WDR64: variants seen among roughly 807,000 people sequenced by gnomAD.
WDR64 encodes WD repeat domain 64.
Under a neutral mutation model 139.3 loss-of-function variants are expected in WDR64, and 112 were observed. The observed-to-expected ratio is 0.80, with a 90% CI of 0.69 to 0.94. WDR64 has a LOEUF of 0.94. WDR64 is among the 40% of genes least tolerant of loss of function. The pLI is 0.00. For synonymous variants in WDR64, 444 were observed against 437.7 expected (o/e 1.01, Z -0.18); for missense variants, 1,206 against 1,293.1 (o/e 0.93, Z 1.03).
At chr1:241,792,167 C>T (rs1659230886) in intron 25 of WDR64, among the ~76,000 whole-genome samples, 1 of 152,142 alleles carries the variant, frequency 6.6e-6, no homozygotes, top group Admixed American at 6.5e-5. Context: ...AATTTAGTTC[C>T]CCGGGATGTC....
At chr1:241,790,309 C>T (rs1360004163) in intron 24 of WDR64, among the ~76,000 whole-genome samples, 3 of 152,174 alleles carry the variant, frequency 2.0e-5, no homozygotes, top group African/African-American at 7.2e-5. Flanking sequence ...CGAGATTGCA[C>T]TACTACACTC....
chr1:241,674,026 G>A (rs1301260942), intron 3 of WDR64, among the ~76,000 whole-genome samples: 1 of 152,022 alleles, frequency 6.6e-6, no homozygotes. Flanking sequence ...CGTGTTCTCT[G>A]TGAAATATGC....
At chr1:241,729,344 T>C (rs1172880532) in intron 10 of WDR64, among the ~76,000 whole-genome samples, 1 of 152,320 alleles carries the variant, frequency 6.6e-6, no homozygotes, top group South Asian at 2.1e-4. Context: ...ACCATCCAGA[T>C]ATTGTACTGC....
intron 14 of WDR64, among the ~76,000 whole-genome samples, chr1:241,755,992 G>T (rs144111054): frequency 1.3e-5 from 2 of 152,278 alleles, no homozygotes; most frequent in East Asian, 3.9e-4. Flanking sequence ...AAGTCAGGGA[G>T]TGTGATGCCT....
At chr1:241,798,219 C>A (rs9428519) in intron 27 of WDR64, among the ~76,000 whole-genome samples, 1 of 151,932 alleles carries the variant, frequency 6.6e-6, no homozygotes, top group Admixed American at 6.6e-5. Flanking sequence ...TCTGATAGAT[C>A]GTCGATCACA....
At chr1:241,782,526 G>T (rs996277786) in intron 22 of WDR64, among the ~76,000 whole-genome samples, 4 of 151,990 alleles carry the variant, frequency 2.6e-5, no homozygotes, top group Non-Finnish European at 5.9e-5. Flanking sequence ...CAGTGATAAA[G>T]AGGGAATATA....
At position 241,679,484 on chromosome 1, in the gene WDR64, G is replaced by A; in HGVS notation, c.514-1G>A. The A allele has an allele frequency of 1.9e-6, 3 of 1,551,556 alleles. No individual in the cohort carries two copies. Among genetic ancestry groups the A allele is most frequent in the Non-Finnish European group, 2.6e-6 (3 of 1,146,596 alleles). On this transcript the variant is annotated splice_acceptor_variant, in intron 5 of 27. Transcript: ENST00000437684. LOFTEE classifies it high-confidence loss of function. ...CCCCCAATTCTCTGCTTTTCTATCA[G>A]GACACCTCCTGGATTACAGGGTGTG... is the stretch of plus-strand genomic sequence containing the variant.
intron 2 of WDR64, 54 bp from the exon 3 acceptor site, chr1:241,671,020 T>C: frequency 7.9e-7 from 1 of 1,269,872 alleles, no homozygotes. Context: ...TCTGCTACTT[T>C]ATAGCTAATT....
chr1:241,717,201 T>G (rs1434408677), intron 9 of WDR64, among the ~76,000 whole-genome samples: 1 of 152,176 alleles, frequency 6.6e-6, no homozygotes, highest in Non-Finnish European at 1.5e-5. Context: ...ATCTGGTGAG[T>G]TTCTTACTAC....
intron 23 of WDR64, among the ~76,000 whole-genome samples, chr1:241,785,548 C>T (rs754380893): frequency 6.6e-6 from 1 of 152,138 alleles, no homozygotes; most frequent in Non-Finnish European, 1.5e-5. Context: ...AAAACATTCA[C>T]GCCATAGCAC....
intron 12 of WDR64, among the ~76,000 whole-genome samples, chr1:241,743,439 G>A (rs757963577): frequency 3.3e-5 from 5 of 152,070 alleles, no homozygotes; most frequent in South Asian, 2.1e-4. Context: ...ACCACTTCCC[G>A]GCAAGTGGCC....
chr1:241,663,307 C>G (rs781303637), intron 2 of WDR64, among the ~76,000 whole-genome samples: 34 of 152,222 alleles, frequency 2.2e-4, no homozygotes, highest in Non-Finnish European at 5.9e-5. Context: ...CTGGCCCTGA[C>G]CCCCGTCCCT....
Position 241,712,952 on chromosome 1 carries a change from C to A in WDR64, c.1054+1071C>A, listed in dbSNP as rs1668231346. Among the ~76,000 whole-genome samples, 4 of 151,796 alleles carry A rather than the reference C, an allele frequency of 2.6e-5. No individual in the cohort carries two copies. In the South Asian group the frequency reaches 6.2e-4, roughly 24 times the overall value. On this transcript the variant is annotated intron_variant, in intron 9 of 27. Coordinates refer to ENST00000437684, the MANE Select transcript of WDR64 (RefSeq NM_001367482.1). ...AAAACAACAACAACAACAATAGCAACAAAACTAAACTAATTCAAAGTCCTC... is the reference window on the plus strand; with the variant it reads ...AAAACAACAACAACAACAATAGCAAAAAAACTAAACTAATTCAAAGTCCTC...
intron 8 of WDR64, among the ~76,000 whole-genome samples, chr1:241,690,737 TA>T (rs1667188852): frequency 6.6e-6 from 1 of 151,898 alleles, no homozygotes; most frequent in East Asian, 1.9e-4. Flanking sequence ...CAAGAAAGGG[TA>T]AAAGAAGTTC....
In WDR64 at chr1:241,772,765, A is replaced by T. The variant is rs781723724; in HGVS notation, c.2291-27A>T. ...GGTGTGAGCCACCACGCCTGGCCTC[A>T]TGATAGTTCATTAATTTCTCGAATA... On this transcript the variant is annotated intron_variant, in intron 19 of 27. Coordinates refer to ENST00000437684, the MANE Select transcript of WDR64 (RefSeq NM_001367482.1). 1.1e-5 allele frequency: 17 copies of T among 1,550,644 alleles called. No homozygotes were observed. The South Asian group carries it at 2.0e-4, about 18-fold the overall frequency.
chr1:241,775,004 C>A, intron 20 of WDR64, 101 bp from the exon 21 acceptor site: 1 of 897,466 alleles, frequency 1.1e-6, no homozygotes. Flanking sequence ...AGAGATAATT[C>A]TTGAGATGCA....
intron 8 of WDR64, among the ~76,000 whole-genome samples, chr1:241,691,255 CAA>C (rs531658227): frequency 7.1e-4 from 108 of 151,952 alleles, no homozygotes; most frequent in African/African-American, 2.5e-3. Context: ...AAAATAGAAA[CAA>C]AGAAAAGCAG....
chr1:241,781,280 A>G (rs918634779), intron 22 of WDR64, among the ~76,000 whole-genome samples: 1 of 152,250 alleles, frequency 6.6e-6, no homozygotes, highest in Non-Finnish European at 1.5e-5. Context: ...CAAATTTAAA[A>G]TTAGAGAATC....
At position 241,717,150 on chromosome 1, in the gene WDR64, T is replaced by G. The variant is rs12117824; in HGVS notation, c.1054+5269T>G. 4.8e-3 allele frequency among the ~76,000 whole-genome samples: 733 copies of G among 152,334 alleles called. 1 individual carries two copies. The highest frequency in any genetic ancestry group is 8.1e-3 in the Non-Finnish European group (549 of 68,026). On this transcript the variant is annotated intron_variant, in intron 9 of 27. Transcript: ENST00000437684. The stretch of plus-strand genomic sequence containing the variant: ...TGAAAAGCAAATGCAGTCAAGATAC[T>G]GCATTATTGGAATTAGTCAGTTTGA...
Sources: gnomAD v4.1 joint callset for allele counts (sites outside exome capture counted in the v4.1 genomes callset) on GRCh38, gnomAD v4.1.1 for gene constraint, MANE v1.5 for transcripts, NCBI Gene and HGNC (gene_info 2026-07-23, HGNC 2026-07-21) for gene names.